The following CBFA2T2 variants were observed in gnomAD, a reference collection of about 807,000 sequenced individuals.
CBFA2T2 encodes protein CBFA2T2.
CBFA2T2 carries 11 observed loss-of-function variants against 62.2 expected under a neutral mutation model. The observed-to-expected ratio is 0.18, with a 90% CI of 0.11 to 0.29. The LOEUF is 0.29. Ranked by LOEUF, CBFA2T2 falls within the 10% of genes least tolerant of loss-of-function variation. CBFA2T2 has a pLI of 1.00. For synonymous variants in CBFA2T2, 295 were observed against 287.5 expected, an observed-to-expected ratio of 1.03 and a Z score of -0.27; for missense variants, 592 against 774.1, an observed-to-expected ratio of 0.76 and a Z score of 2.79.
In CBFA2T2 at chr20:33,539,603, G is replaced by C. The variant is rs370956702; in HGVS notation, c.34+49302G>C. ...TGTATTATAGGTCCCTAAAATAATTGGTTGATTGTATAGTTAATTTGGAAG... is the reference window on the plus strand; with the variant it reads ...TGTATTATAGGTCCCTAAAATAATTCGTTGATTGTATAGTTAATTTGGAAG... On this transcript the variant is annotated intron_variant, in intron 1 of 10. Coordinates refer to ENST00000342704, the MANE Select transcript of CBFA2T2 (RefSeq NM_001032999.3). 3.6e-4 allele frequency among the ~76,000 whole-genome samples: 54 copies of C among 151,974 alleles called. 1 individual carries two copies. The highest frequency in any genetic ancestry group is 1.2e-3 in the African/African-American group (49 of 41,450).
At chr20:33,610,722 G>A (rs966081174) in intron 2 of CBFA2T2, among the ~76,000 whole-genome samples, 5 of 152,128 alleles carry the variant, frequency 3.3e-5, no homozygotes, top group African/African-American at 1.2e-4. Context: ...TTGGGAAGGA[G>A]ATGCAATGTA....
intron 1 of CBFA2T2, among the ~76,000 whole-genome samples, chr20:33,557,475 T>C (rs1263829565): frequency 6.6e-6 from 1 of 152,054 alleles, no homozygotes; most frequent in African/African-American, 2.4e-5. Flanking sequence ...AGGAAGTGTA[T>C]GTATGAAAGT....
intron 1 of CBFA2T2, among the ~76,000 whole-genome samples, chr20:33,604,523 G>A (rs979331081): frequency 6.6e-6 from 1 of 152,164 alleles, no homozygotes; most frequent in Non-Finnish European, 1.5e-5. Context: ...TGTAGGTTTT[G>A]GGTGGTGAAA....
At chr20:33,540,724 A>G (rs2012390057) in intron 1 of CBFA2T2, among the ~76,000 whole-genome samples, 1 of 152,220 alleles carries the variant, frequency 6.6e-6, no homozygotes, top group East Asian at 1.9e-4. Flanking sequence ...GTTGTGTTAA[A>G]AAGCCATAGT....
At chr20:33,545,023 A>AACAGAACAGAACAGAACAGAACAGAACAG (rs2012511122) in intron 1 of CBFA2T2, among the ~76,000 whole-genome samples, 1 of 151,034 alleles carries the variant, frequency 6.6e-6, no homozygotes, top group African/African-American at 2.4e-5. Context: ...AACAGAACAG[A>AACAGAACAGAACAGAACAGAACAGAACAG]ATGCAAGGTA....
chr20:33,574,558 G>A (rs1053321456), intron 1 of CBFA2T2, among the ~76,000 whole-genome samples: 1 of 152,258 alleles, frequency 6.6e-6, no homozygotes, highest in African/African-American at 2.4e-5. Flanking sequence ...CCGGGAGGCA[G>A]AGGTTGCAGT....
At chr20:33,587,426 C>T (rs1266473647) in intron 1 of CBFA2T2, among the ~76,000 whole-genome samples, 3 of 152,038 alleles carry the variant, frequency 2.0e-5, no homozygotes, top group Non-Finnish European at 4.4e-5. Context: ...GCCACAACGC[C>T]CGGCTAATTT....
At chr20:33,598,409 C>G (rs953820560) in intron 1 of CBFA2T2, among the ~76,000 whole-genome samples, 1 of 152,074 alleles carries the variant, frequency 6.6e-6, no homozygotes, top group Non-Finnish European at 1.5e-5. Context: ...ATGTTCCATG[C>G]TGAGAAAAAG....
intron 1 of CBFA2T2, among the ~76,000 whole-genome samples, chr20:33,552,482 CAG>C (rs552203153): frequency 2.0e-3 from 311 of 152,206 alleles, no homozygotes; most frequent in Non-Finnish European, 3.7e-3. Context: ...AAGGGGAAAT[CAG>C]TGTCTCTTGA....
At chr20:33,587,086 C>CA (rs1351998801) in intron 1 of CBFA2T2, among the ~76,000 whole-genome samples, 1 of 152,006 alleles carries the variant, frequency 6.6e-6, no homozygotes, top group Non-Finnish European at 1.5e-5. Context: ...GGACTACAGG[C>CA]ACCCCCCACC....
intron 1 of CBFA2T2, among the ~76,000 whole-genome samples, chr20:33,502,644 C>G (rs902308621): frequency 2.6e-5 from 4 of 151,220 alleles, no homozygotes; most frequent in Non-Finnish European, 5.9e-5. Context: ...ACCTTGTGAT[C>G]TGCCTGCCTC....
rs1167442366 is a variant in CBFA2T2 at position 33,640,546 on chromosome 20, C to T, written c.1488+15C>T. Reference sequence around the variant, plus strand: ...AGTCCACGGAGGTCAGAGCTCTGCGCCCTGGGGGCTGGGGTGAGCAGCTGG... The same window carrying T: ...AGTCCACGGAGGTCAGAGCTCTGCGTCCTGGGGGCTGGGGTGAGCAGCTGG... On this transcript the variant is annotated intron_variant, in intron 10 of 10. Coordinates refer to ENST00000342704, the MANE Select transcript of CBFA2T2 (RefSeq NM_001032999.3). The T allele has an allele frequency of 6.2e-7, 1 of 1,612,966 alleles. No homozygotes were observed. The highest frequency in any genetic ancestry group is 1.7e-5 in the Admixed American group (1 of 59,978).
At chr20:33,557,163 T>A (rs954749363) in intron 1 of CBFA2T2, among the ~76,000 whole-genome samples, 1 of 151,760 alleles carries the variant, frequency 6.6e-6, no homozygotes, top group African/African-American at 2.4e-5. Context: ...TACAGGTGCC[T>A]ACCACCACGC....
At chr20:33,569,546 C>T (rs560597238) in intron 1 of CBFA2T2, among the ~76,000 whole-genome samples, 7 of 152,086 alleles carry the variant, frequency 4.6e-5, no homozygotes, top group Non-Finnish European at 8.8e-5. Context: ...AAGGACAATC[C>T]AAAGTTGTTA....
rs574091278 is a variant in CBFA2T2, at chr20:33,559,193, T to C, written c.35-47763T>C. The stretch of plus-strand genomic sequence containing the variant: ...CTTTCTTTTTTTTTTTTTTTTTTTT[T>C]CTGAGATGGAGTGTCACTCTGTCAC... On this transcript the variant is annotated intron_variant, in intron 1 of 10. Transcript: ENST00000342704. Among the ~76,000 whole-genome samples the C allele has an allele frequency of 1.3e-3, 192 of 143,930 alleles. 1 individual carries two copies. The highest frequency in any genetic ancestry group is 4.9e-3 in the African/African-American group (178 of 36,370). The allele number at this position is 143,930 out of a possible 152,430, so 94.4% of individuals were successfully genotyped here. A position where few individuals can be genotyped will look rare whatever the true frequency, so the allele number is the denominator to read the frequency against.
At chr20:33,626,126 A>T (rs2016216563) in intron 6 of CBFA2T2, among the ~76,000 whole-genome samples, 1 of 152,082 alleles carries the variant, frequency 6.6e-6, no homozygotes, top group Admixed American at 6.6e-5. Context: ...CAAACAAAAA[A>T]CAAACAAAAA....
intron 1 of CBFA2T2, among the ~76,000 whole-genome samples, chr20:33,550,007 G>A: frequency 6.6e-6 from 1 of 151,912 alleles, no homozygotes; most frequent in East Asian, 1.9e-4. Context: ...TTATAAAATA[G>A]GGTTCAATAA....
chr20:33,591,467 C>CAAAAAAAAAA (rs11475752), intron 1 of CBFA2T2, among the ~76,000 whole-genome samples: 24 of 98,032 alleles, frequency 2.4e-4, no homozygotes, highest in Admixed American at 3.0e-4. Context: ...GAGTAAATCT[C>CAAAAAAAAAA]AAAAAAAAAA....
At chr20:33,619,939 G>A (rs2015876262) in intron 4 of CBFA2T2, among the ~76,000 whole-genome samples, 1 of 152,088 alleles carries the variant, frequency 6.6e-6, no homozygotes, top group African/African-American at 2.4e-5. Flanking sequence ...TAATCCTTTG[G>A]GTATAGTCAG....
Sources: allele counts gnomAD v4.1 joint callset (sites outside exome capture counted in the v4.1 genomes callset), GRCh38; gene constraint gnomAD v4.1.1; transcripts MANE v1.5; gene names NCBI Gene and HGNC (gene_info 2026-07-23, HGNC 2026-07-21).